DSP: variants seen among roughly 807,000 people sequenced by gnomAD.
DSP encodes desmoplakin.
Under a neutral mutation model 290.6 loss-of-function variants are expected in DSP, and 114 were observed. The observed-to-expected ratio is 0.39, with a 90% confidence interval of 0.34 to 0.46. The LOEUF is 0.46. Ranked by LOEUF, DSP falls within the 20% of genes least tolerant of loss-of-function variation. DSP has a pLI of 0.99. For missense variants in DSP, 3,230 were observed against 3,495.8 expected, an observed-to-expected ratio of 0.92 and a Z score of 1.92; for synonymous variants, 1,311 against 1,316.4, an observed-to-expected ratio of 1.00 and a Z score of 0.09.
rs1451337621 is a variant in DSP at position 7,580,783 on chromosome 6, G to A, written c.4593G>A (p.Gln1531=). The change falls in exon 23 of 24, where the codon CAG becomes CAA. Residue 1531 remains glutamine (Q), a synonymous_variant. Coordinates refer to ENST00000379802, the MANE Select transcript of DSP (RefSeq NM_004415.4). The surrounding 1 kb of genome is among the most constrained non-coding windows in gnomAD (Gnocchi z 4.2). ...AGACAATAAACAAACTGAAGGTTCA[G>A]GAGCAAGAACTGACACGCCTGAGGA... ...ATETINKLKV[Q]EQELTRLRID... is the part of the protein sequence containing the mutation. 6.2e-7 allele frequency: 1 copy of A among 1,614,170 alleles called. No individual in the cohort carries two copies. Among genetic ancestry groups the A allele is most frequent in the Admixed American group, 1.7e-5 (1 of 60,024 alleles).
At chr6:7,577,490 G>A (rs759900621) in intron 20 of DSP, among the ~76,000 whole-genome samples, 4 of 152,042 alleles carry the variant, frequency 2.6e-5, no homozygotes, top group Non-Finnish European at 4.4e-5. Flanking sequence ...CACCATGCCC[G>A]GCTAATTTTA....
Position 7,584,328 on chromosome 6 carries a change from A to T in DSP, c.7066A>T (p.Lys2356Ter), listed in dbSNP as rs1561703331. 1 of 1,614,062 alleles carries T rather than the reference A, an allele frequency of 6.2e-7. No individual in the cohort carries two copies. Among genetic ancestry groups the T allele is most frequent in the Non-Finnish European group, 8.5e-7 (1 of 1,180,040 alleles). Residue 2356 changes from lysine (K) to a stop codon, truncating the protein, a stop_gained, in exon 24 of 24, where the codon AAG becomes TAG. Transcript: ENST00000379802. LOFTEE classifies it high-confidence loss of function. This position sits in a 1 kb window ranked among gnomAD's most constrained non-coding sequence, Gnocchi z 6.4. Reference sequence around the variant, plus strand: ...CATCTCTTTGTTCCAAGCCATGAATAAGGAACTCATCGAAAAGGGCCACGG... The same window carrying T: ...CATCTCTTTGTTCCAAGCCATGAATTAGGAACTCATCGAAAAGGGCCACGG... ...NIISLFQAMN[K>*]ELIEKGHGIR...
chr6:7,579,527 C>G lies in DSP; in HGVS notation c.3337C>G (p.Arg1113Gly), dbSNP rs746877365. The G allele has an allele frequency of 6.2e-7, 1 of 1,613,822 alleles. No individual in the cohort carries two copies. Among genetic ancestry groups the G allele is most frequent in the Admixed American group, 1.7e-5 (1 of 59,998 alleles). The change falls in exon 23 of 24, where the codon CGA (arginine) becomes GGA (glycine). Residue 1113 changes from arginine (R) to glycine (G), a missense_variant. Arg to Gly is a moderately radical substitution (Grantham distance 125). Transcript: ENST00000379802. The surrounding 1 kb of genome is among the most constrained non-coding windows in gnomAD (Gnocchi z 4.1). Reference sequence around the variant, plus strand: ...AAAAGAACTCAATGAGAAGATCACCCGACTGACTTATGAGATTGAAGATGA... The same window carrying G: ...AAAAGAACTCAATGAGAAGATCACCGGACTGACTTATGAGATTGAAGATGA... Reference protein sequence around the residue: ...QIKELNEKITRLTYEIEDEKR... With the variant: ...QIKELNEKITGLTYEIEDEKR...
In DSP at chr6:7,584,964, G is replaced by T. The variant is rs139486943; in HGVS notation, c.7702G>T (p.Gly2568Cys). The T allele has an allele frequency of 6.2e-7, 1 of 1,614,134 alleles. No individual in the cohort carries two copies. Among genetic ancestry groups the T allele is most frequent in the Non-Finnish European group, 8.5e-7 (1 of 1,180,010 alleles). Reference sequence around the variant, plus strand: ...CATGATCTCCTTGAAAAATGGTGTCGGCACCAGCAGCAGCATGGGCAGTGG... The same window carrying T: ...CATGATCTCCTTGAAAAATGGTGTCTGCACCAGCAGCAGCATGGGCAGTGG... Reference protein sequence around the residue: ...ADMISLKNGVGTSSSMGSGVS... With the variant: ...ADMISLKNGVCTSSSMGSGVS... Residue 2568 changes from glycine (G) to cysteine (C), a missense_variant, in exon 24 of 24, where the codon GGC becomes TGC. By Grantham distance (159) the Gly-to-Cys change is radical. This residue lies in a region of DSP where 582 missense variants were observed against 555.4 expected (regional missense o/e 1.05). Transcript: ENST00000379802. The surrounding 1 kb of genome is among the most constrained non-coding windows in gnomAD (Gnocchi z 6.4).
chr6:7,561,021 G>A (rs941235093), intron 4 of DSP, among the ~76,000 whole-genome samples: 4 of 150,882 alleles, frequency 2.7e-5, no homozygotes, highest in African/African-American at 9.8e-5. Context: ...GCATGATCTC[G>A]TCTCACTGCA....
chr6:7,570,076 T>A (rs2076301), intron 12 of DSP, among the ~76,000 whole-genome samples: 118,346 of 152,052 alleles, frequency 0.78, 46,188 homozygotes, highest in East Asian at 0.81. Flanking sequence ...AACCACACAC[T>A]GAATAGGGAG....
At position 7,566,905 on chromosome 6, in the gene DSP, C is replaced by A. The variant is rs112443175; in HGVS notation, c.1044+424C>A. Among the ~76,000 whole-genome samples the A allele has an allele frequency of 6.6e-3, 1,002 of 152,318 alleles. 13 individuals carry two copies. The highest frequency in any genetic ancestry group is 0.022 in the African/African-American group (904 of 41,564). Reference sequence around the variant, plus strand: ...AGCTGGTACCACTGGTATGGCCATACTGCTTGTTAAAAAACACAGAAAGTT... The same window carrying A: ...AGCTGGTACCACTGGTATGGCCATAATGCTTGTTAAAAAACACAGAAAGTT... On this transcript the variant is annotated intron_variant, in intron 8 of 23. Transcript: ENST00000379802.
intron 1 of DSP, among the ~76,000 whole-genome samples, chr6:7,545,188 T>G (rs933673349): frequency 6.6e-6 from 1 of 152,234 alleles, no homozygotes; most frequent in Non-Finnish European, 1.5e-5. Flanking sequence ...TCTCATGATT[T>G]CAAAACTGAG....
chr6:7,584,816 C>T lies in DSP; in HGVS notation c.7554C>T (p.Val2518=). 2 of 1,614,122 alleles carry T rather than the reference C, an allele frequency of 1.2e-6. No homozygotes were observed. The highest frequency in any genetic ancestry group is 1.7e-6 in the Non-Finnish European group (2 of 1,180,034). ...ITGSDGSTRV[V]LVDRKTGSQY... ...GATCAGATGGCTCCACCAGGGTGGT[C>T]CTGGTAGATAGAAAGACAGGCAGTC... The change falls in exon 24 of 24, where the codon GTC becomes GTT. Residue 2518 remains valine, a synonymous_variant. Coordinates refer to ENST00000379802, the MANE Select transcript of DSP (RefSeq NM_004415.4). The surrounding 1 kb of genome is among the most constrained non-coding windows in gnomAD (Gnocchi z 6.4).
intron 1 of DSP, among the ~76,000 whole-genome samples, chr6:7,554,736 G>A (rs1354400928): frequency 1.3e-5 from 2 of 152,072 alleles, no homozygotes; most frequent in Admixed American, 6.6e-5. Flanking sequence ...CCTCCAACTC[G>A]TGGGCTCAAG....
At position 7,581,037 on chromosome 6, in the gene DSP, C is replaced by T. The variant is rs1759419853; in HGVS notation, c.4847C>T (p.Thr1616Ile). The part of the protein sequence containing the change: ...KEQAIKITNL[T>I]QQLEQASIVK... ...CAAGCCATCAAAATCACCAACCTGA[C>T]CCAGCAGCTGGAGCAGGCATCCATT... Residue 1616 changes from threonine to isoleucine, a missense_variant, in exon 23 of 24, where the codon ACC (threonine) becomes ATC (isoleucine). Thr to Ile is a moderately conservative substitution (Grantham distance 89). Coordinates refer to ENST00000379802, the MANE Select transcript of DSP (RefSeq NM_004415.4). The T allele has an allele frequency of 6.2e-7, 1 of 1,613,998 alleles. No homozygotes were observed. Among genetic ancestry groups the T allele is most frequent in the Non-Finnish European group, 8.5e-7 (1 of 1,180,002 alleles).
At chr6:7,578,347 AAGAAG>A (rs1206669303) in intron 21 of DSP, 112 bp from the exon 22 acceptor site, 2 of 892,184 alleles carry the variant, frequency 2.2e-6, no homozygotes, top group Non-Finnish European at 3.5e-6. Flanking sequence ...GAACACACTA[AAGAAG>A]AGAATTCACT....
rs987487921 is a variant in DSP at position 7,580,364 on chromosome 6, C to T, written c.4174C>T (p.Arg1392Trp). The change falls in exon 23 of 24, where the codon CGG (arginine) becomes TGG (tryptophan). Residue 1392 changes from arginine to tryptophan, a missense_variant. By Grantham distance (101) the Arg-to-Trp change is moderately radical. This residue lies in a region of DSP where 1,714 missense variants were observed against 1,844.5 expected (regional missense o/e 0.93). Transcript: ENST00000379802. This position sits in a 1 kb window ranked among gnomAD's most constrained non-coding sequence, Gnocchi z 4.2. Reference protein sequence around the residue: ...MQKEEDTSGYRAQIDNLTREN... With the variant: ...MQKEEDTSGYWAQIDNLTREN... ...GAAGGAAGAGGATACCAGTGGCTAC[C>T]GGGCTCAGATAGACAATCTCACCCG... is the stretch of plus-strand genomic sequence containing the variant. 13 of 1,614,024 alleles carry T rather than the reference C, an allele frequency of 8.1e-6. No homozygotes were observed. Among genetic ancestry groups the T allele is most frequent in the Admixed American group, 3.3e-5 (2 of 60,002 alleles).
At chr6:7,569,059 A>G in intron 11 of DSP, 127 bp from the exon 12 acceptor site, 3 of 1,295,342 alleles carry the variant, frequency 2.3e-6, no homozygotes, top group Non-Finnish European at 3.2e-6. Context: ...GATCAGCTTC[A>G]TTTGAGGGGA....
intron 19 of DSP, 121 bp downstream of exon 19, chr6:7,576,577 C>G: frequency 7.6e-7 from 1 of 1,310,376 alleles, no homozygotes; most frequent in Non-Finnish European, 1.1e-6. Flanking sequence ...ATTACTAACC[C>G]ATTTTGTGAA....
chr6:7,548,612 G>A (rs1178413657), intron 1 of DSP, among the ~76,000 whole-genome samples: 2 of 152,212 alleles, frequency 1.3e-5, no homozygotes, highest in Non-Finnish European at 2.9e-5. Flanking sequence ...TGAAAATCGA[G>A]AAAACCGCCT....
rs953031251 is a variant in DSP at position 7,583,109 on chromosome 6, C to A, written c.5847C>A (p.Ser1949=). Residue 1949 remains serine, a synonymous_variant, in exon 24 of 24, where the codon TCC becomes TCA. Coordinates refer to ENST00000379802, the MANE Select transcript of DSP (RefSeq NM_004415.4). This position sits in a 1 kb window ranked among gnomAD's most constrained non-coding sequence, Gnocchi z 4.0. The part of the protein sequence containing the change: ...IDKLRQRPYG[S]HRETQTECEW... ...AACTCAGACAGCGCCCATATGGGTC[C>A]CATCGAGAGACCCAGACTGAGTGTG... is the stretch of plus-strand genomic sequence containing the variant. 2 of 1,613,998 alleles carry A rather than the reference C, an allele frequency of 1.2e-6. No homozygotes were observed. The highest frequency in any genetic ancestry group is 1.6e-4 in the Middle Eastern group (1 of 6,062).
At chr6:7,570,380 A>G (rs1759006138) in intron 12 of DSP, 57 bp from the exon 13 acceptor site, 2 of 1,613,352 alleles carry the variant, frequency 1.2e-6, no homozygotes, top group African/African-American at 2.7e-5. Flanking sequence ...CAGGTTTCCC[A>G]TTTGGGATGA....
Position 7,584,002 on chromosome 6 carries a change from G to A in DSP, c.6740G>A (p.Gly2247Asp). The change falls in exon 24 of 24, where the codon GGT becomes GAT. Residue 2247 changes from glycine to aspartate, a missense_variant. Gly to Asp is a moderately conservative substitution (Grantham distance 94). Transcript: ENST00000379802. This position sits in a 1 kb window ranked among gnomAD's most constrained non-coding sequence, Gnocchi z 6.4. The part of the protein sequence containing the change: ...ESGQISYDEV[G>D]ERIKDFLQGS... Reference sequence around the variant, plus strand: ...GGTCAGATTTCTTATGACGAGGTTGGTGAGAGAATTAAGGACTTCCTCCAG... The same window carrying A: ...GGTCAGATTTCTTATGACGAGGTTGATGAGAGAATTAAGGACTTCCTCCAG... The A allele has an allele frequency of 6.2e-7, 1 of 1,614,162 alleles. No individual in the cohort carries two copies. The highest frequency in any genetic ancestry group is 8.5e-7 in the Non-Finnish European group (1 of 1,180,020).
Sources: gnomAD v4.1 joint callset for allele counts (sites outside exome capture counted in the v4.1 genomes callset) on GRCh38, gnomAD v4.1.1 for gene constraint, gnomAD v4.1.1 regional missense constraint, Gnocchi (gnomAD v3.1) non-coding constraint, MANE v1.5 for transcripts, NCBI Gene and HGNC (gene_info 2026-07-23, HGNC 2026-07-21) for gene names.